SHLD1: variants seen among roughly 807,000 people sequenced by gnomAD.
SHLD1 encodes shieldin complex subunit 1, also known as RINN1-REV7-interacting novel NHEJ regulator 3.
Under a neutral mutation model 5.5 loss-of-function variants are expected in SHLD1, and 3 were observed. The observed-to-expected ratio is 0.54, with a 90% CI of 0.25 to 1.40. The LOEUF is 1.40. Ranked by LOEUF, SHLD1 falls within the 40% of genes most tolerant of loss-of-function variation. The pLI is 0.15. For missense variants in SHLD1, 210 were observed against 244.4 expected (o/e 0.86, Z 0.94); for synonymous variants, 92 against 94.3 (o/e 0.98, Z 0.14).
At chr20:5,779,529 C>T (rs553963989) in intron 2 of SHLD1, among the ~76,000 whole-genome samples, 2 of 152,292 alleles carry the variant, frequency 1.3e-5, no homozygotes, top group East Asian at 3.9e-4. Context: ...ATTGTTTGCT[C>T]AGAGACATGC....
chr20:5,850,599 C>T lies in SHLD1; in HGVS notation c.179-12425C>T, dbSNP rs533029699. Among the ~76,000 whole-genome samples, 23 of 150,472 alleles carry T rather than the reference C, an allele frequency of 1.5e-4. No individual in the cohort carries two copies. The South Asian group carries it at 4.9e-3, about 32-fold the overall frequency. ...GATCTCGGCTCACTGCAACCTCCAC[C>T]TCCCGGGTTCAAGCAATTCTCCTGC... On this transcript the variant is annotated intron_variant, in intron 2 of 2. Transcript: ENST00000303142.
chr20:5,781,412 T>C (rs2086987571), intron 2 of SHLD1, among the ~76,000 whole-genome samples: 1 of 152,072 alleles, frequency 6.6e-6, no homozygotes, highest in Non-Finnish European at 1.5e-5. Context: ...GAAAGAAAAA[T>C]ATAGAGTGTT....
intron 1 of SHLD1, 27 bp from the exon 2 acceptor site, chr20:5,772,835 T>C (rs1193133684): frequency 1.9e-6 from 3 of 1,590,144 alleles, no homozygotes; most frequent in African/African-American, 1.4e-5. Context: ...CCTTTTGTAC[T>C]GAATTGTTTT....
intron 2 of SHLD1, among the ~76,000 whole-genome samples, chr20:5,858,098 CAAA>C (rs11300827): frequency 1.2e-4 from 13 of 111,464 alleles, no homozygotes; most frequent in Admixed American, 1.8e-4. Context: ...GACTCCATCT[CAAA>C]AAAAAAAAAA....
chr20:5,773,325 G>T, intron 2 of SHLD1: 1 of 595,374 alleles, frequency 1.7e-6, no homozygotes, highest in Non-Finnish European at 3.0e-6. Flanking sequence ...TCAGAAGCAG[G>T]GGAATATTTG....
At chr20:5,852,382 C>T (rs892836853) in intron 2 of SHLD1, among the ~76,000 whole-genome samples, 1 of 151,706 alleles carries the variant, frequency 6.6e-6, no homozygotes, top group Non-Finnish European at 1.5e-5. Flanking sequence ...TTATGTTGCT[C>T]AAATCACCTT....
chr20:5,835,616 T>G (rs1279394103), intron 2 of SHLD1, among the ~76,000 whole-genome samples: 2 of 152,130 alleles, frequency 1.3e-5, no homozygotes, highest in Non-Finnish European at 2.9e-5. Flanking sequence ...TTTGGCAGCA[T>G]GTGAGTGCCA....
At chr20:5,790,495 G>A (rs910166940) in intron 2 of SHLD1, among the ~76,000 whole-genome samples, 2 of 131,168 alleles carry the variant, frequency 1.5e-5, no homozygotes, top group Non-Finnish European at 3.1e-5. Context: ...CTGTTTCACC[G>A]AGGCTGGAGT....
intron 2 of SHLD1, among the ~76,000 whole-genome samples, chr20:5,854,831 A>G (rs1408302385): frequency 2.0e-5 from 3 of 149,788 alleles, no homozygotes; most frequent in Non-Finnish European, 3.0e-5. Context: ...CCCTCTCCCC[A>G]GCTTCTGGTA....
chr20:5,824,282 C>T (rs2087640989), intron 2 of SHLD1, among the ~76,000 whole-genome samples: 1 of 152,248 alleles, frequency 6.6e-6, no homozygotes, highest in African/African-American at 2.4e-5. Flanking sequence ...TTCTTCAGAT[C>T]TCTGCTCAGA....
chr20:5,786,670 A>G (rs2087064453), intron 2 of SHLD1, among the ~76,000 whole-genome samples: 1 of 152,186 alleles, frequency 6.6e-6, no homozygotes, highest in South Asian at 2.1e-4. Flanking sequence ...GTCCTGTCCC[A>G]TGCCCTGAAG....
At chr20:5,822,121 G>C (rs911952255) in intron 2 of SHLD1, among the ~76,000 whole-genome samples, 1 of 152,126 alleles carries the variant, frequency 6.6e-6, no homozygotes, top group African/African-American at 2.4e-5. Context: ...AACATTTACT[G>C]CTTCAGTTGT....
At chr20:5,856,977 A>ATTTTG (rs375384449) in intron 2 of SHLD1, among the ~76,000 whole-genome samples, 352 of 152,004 alleles carry the variant, frequency 2.3e-3, no homozygotes, top group East Asian at 0.015. Flanking sequence ...TTTTGTTTCT[A>ATTTTG]TTTTGTTTTG....
Position 5,788,004 on chromosome 20 carries a change from T to C in SHLD1, c.178+14961T>C, listed in dbSNP as rs144158407. ...CAGCTGTAAGGAGATATAGTGCTAC[T>C]GAGAATAGAATGTTATTCCTACATT... On this transcript the variant is annotated intron_variant, in intron 2 of 2. Transcript: ENST00000303142. Among the ~76,000 whole-genome samples the C allele has an allele frequency of 8.2e-3, 1,255 of 152,288 alleles. 20 individuals carry two copies. Among genetic ancestry groups the C allele is most frequent in the African/African-American group, 0.029 (1,196 of 41,564 alleles).
chr20:5,758,202 C>T (rs1237577020), intron 1 of SHLD1, among the ~76,000 whole-genome samples: 1 of 148,346 alleles, frequency 6.7e-6, no homozygotes, highest in Non-Finnish European at 1.5e-5. Flanking sequence ...GAAGGAGGTC[C>T]ATTATGTCAG....
intron 2 of SHLD1, among the ~76,000 whole-genome samples, chr20:5,829,032 C>A (rs2087698233): frequency 6.6e-6 from 1 of 152,104 alleles, no homozygotes; most frequent in Non-Finnish European, 1.5e-5. Flanking sequence ...CACCACCATG[C>A]CTGGCTCATT....
intron 1 of SHLD1, among the ~76,000 whole-genome samples, chr20:5,769,991 T>G (rs1985061796): frequency 2.7e-5 from 3 of 112,332 alleles, no homozygotes; most frequent in East Asian, 2.5e-4. Flanking sequence ...GCAACAAGAG[T>G]GAAACTCCTT....
chr20:5,858,334 C>T (rs1025340505), intron 2 of SHLD1, among the ~76,000 whole-genome samples: 1 of 152,084 alleles, frequency 6.6e-6, no homozygotes, highest in African/African-American at 2.4e-5. Context: ...TGAAACCCTG[C>T]TGTGCATTTA....
intron 2 of SHLD1, among the ~76,000 whole-genome samples, chr20:5,851,630 A>G (rs967055992): frequency 2.0e-4 from 31 of 151,906 alleles, no homozygotes; most frequent in Non-Finnish European, 1.5e-5. Flanking sequence ...AAAAATAAAA[A>G]CCTAAACTAT....
Sources: gnomAD v4.1 joint callset for allele counts (sites outside exome capture counted in the v4.1 genomes callset) on GRCh38, gnomAD v4.1.1 for gene constraint, MANE v1.5 for transcripts, NCBI Gene and HGNC (gene_info 2026-07-23, HGNC 2026-07-21) for gene names.